The following GMDS variants were observed in gnomAD, a reference collection of about 807,000 sequenced individuals.
GMDS encodes GDP-mannose 4,6-dehydratase.
Under a neutral mutation model 49.9 loss-of-function variants are expected in GMDS, and 20 were observed. The ratio of observed to expected loss-of-function variants is 0.40; its 90% CI spans 0.28 to 0.58. The LOEUF (loss-of-function observed/expected upper bound fraction) is 0.58. Ranked by LOEUF, GMDS falls within the 20% of genes least tolerant of loss-of-function variation. The pLI is 0.42. For synonymous variants in GMDS, 177 were observed against 178.6 expected (o/e 0.99, Z 0.07); for missense variants, 362 against 481.4 (o/e 0.75, Z 2.32).
At chr6:1,781,934 G>A (rs1419348264) in intron 7 of GMDS, among the ~76,000 whole-genome samples, 1 of 151,908 alleles carries the variant, frequency 6.6e-6, no homozygotes, top group Non-Finnish European at 1.5e-5. Flanking sequence ...GAGTAAAGTG[G>A]GCTAACTTCA....
intron 1 of GMDS, among the ~76,000 whole-genome samples, chr6:2,220,619 T>G (rs1780542312): frequency 6.6e-6 from 1 of 152,134 alleles, no homozygotes; most frequent in Non-Finnish European, 1.5e-5. Flanking sequence ...GCTACACACA[T>G]AAAATTACTT....
At chr6:2,089,086 G>A (rs755883220) in intron 4 of GMDS, among the ~76,000 whole-genome samples, 9 of 152,172 alleles carry the variant, frequency 5.9e-5, no homozygotes, top group African/African-American at 1.2e-4. Context: ...CTCAAACAGC[G>A]TATAGATTCA....
At position 1,778,520 on chromosome 6, in the gene GMDS, G is replaced by A. The variant is rs903778939; in HGVS notation, c.772-35934C>T. ...GACCTGGAACTTACTCCAGCCTGGAGTGTTCCAAGATCTAAAATAGGTTAG... is the reference window on the plus strand; with the variant it reads ...GACCTGGAACTTACTCCAGCCTGGAATGTTCCAAGATCTAAAATAGGTTAG... On this transcript the variant is annotated intron_variant, in intron 7 of 10. Coordinates refer to ENST00000380815, the MANE Select transcript of GMDS (RefSeq NM_001500.4). This position sits in a 1 kb window ranked among gnomAD's most constrained non-coding sequence, Gnocchi z 4.6. 2.6e-5 allele frequency among the ~76,000 whole-genome samples: 4 copies of A among 152,226 alleles called. No homozygotes were observed. Among genetic ancestry groups the A allele is most frequent in the Non-Finnish European group, 5.9e-5 (4 of 68,036 alleles).
At chr6:2,013,278 T>C (rs766207998) in intron 4 of GMDS, among the ~76,000 whole-genome samples, 1 of 152,102 alleles carries the variant, frequency 6.6e-6, no homozygotes, top group Non-Finnish European at 1.5e-5. Context: ...CTGTGGCACT[T>C]ACAGCTATAG....
intron 9 of GMDS, among the ~76,000 whole-genome samples, chr6:1,681,240 A>G (rs2814816): frequency 0.59 from 88,905 of 151,724 alleles, 26,753 homozygotes; most frequent in African/African-American, 0.74. Flanking sequence ...CTGCCTCCTC[A>G]CAGTGTCCTG....
chr6:1,629,029 AAAC>A (rs2113145867), intron 9 of GMDS, among the ~76,000 whole-genome samples: 1 of 152,330 alleles, frequency 6.6e-6, no homozygotes, highest in South Asian at 2.1e-4. Flanking sequence ...CAGAGCTGCT[AAAC>A]AACAACAAAA....
chr6:1,756,524 G>A (rs968948737), intron 7 of GMDS, among the ~76,000 whole-genome samples: 15 of 152,144 alleles, frequency 9.9e-5, no homozygotes, highest in Non-Finnish European at 2.1e-4. Flanking sequence ...TGCCCGCCTC[G>A]GCCTCCCAAG....
intron 4 of GMDS, among the ~76,000 whole-genome samples, chr6:2,001,219 G>A (rs531016741): frequency 6.6e-6 from 1 of 152,244 alleles, no homozygotes; most frequent in East Asian, 1.9e-4. Context: ...TTATGGTTTT[G>A]ATTTGCATTT....
At chr6:2,235,913 C>T (rs1781338322) in intron 1 of GMDS, among the ~76,000 whole-genome samples, 1 of 151,838 alleles carries the variant, frequency 6.6e-6, no homozygotes, top group African/African-American at 2.4e-5. Context: ...GTGTTGGGAG[C>T]CAGTTCTCTA....
intron 1 of GMDS, among the ~76,000 whole-genome samples, chr6:2,208,078 G>C (rs927552312): frequency 6.6e-6 from 1 of 151,846 alleles, no homozygotes; most frequent in African/African-American, 2.4e-5. Flanking sequence ...TACTCTGTTA[G>C]GATTAGGTGA....
Position 1,960,801 on chromosome 6 carries a change from T to TG in GMDS, c.510dup (p.Thr171HisfsTer25). On this transcript the variant is annotated frameshift_variant, in exon 5 of 11. Coordinates refer to ENST00000380815, the MANE Select transcript of GMDS (RefSeq NM_001500.4). LOFTEE classifies it high-confidence loss of function. ...TAGGGTGACCGGGGATAGAAAGGGG[T>TG]GGTCTCCTTCTGGGGTATTTCCTGC... 1 of 1,603,938 alleles carries TG rather than the reference T, an allele frequency of 6.2e-7. No individual in the cohort carries two copies. The highest frequency in any genetic ancestry group is 8.5e-7 in the Non-Finnish European group (1 of 1,172,352).
intron 8 of GMDS, among the ~76,000 whole-genome samples, chr6:1,733,377 C>T (rs564318405): frequency 5.7e-4 from 87 of 152,222 alleles, no homozygotes; most frequent in African/African-American, 1.6e-3. Context: ...GATAGGGTGT[C>T]GGGAGCTGAA....
At chr6:1,930,503 C>T (rs559194515) in intron 6 of GMDS, 1 of 288,884 alleles carries the variant, frequency 3.5e-6, no homozygotes, top group Admixed American at 5.2e-5. Flanking sequence ...TTTGTTGCTT[C>T]AATATGCAAC....
chr6:1,831,234 T>C (rs1445866891), intron 7 of GMDS, among the ~76,000 whole-genome samples: 2 of 152,256 alleles, frequency 1.3e-5, no homozygotes, highest in Admixed American at 6.5e-5. Flanking sequence ...CCTCCCATCC[T>C]GAAACTAAAG....
At chr6:1,972,593 A>G (rs1316550359) in intron 4 of GMDS, among the ~76,000 whole-genome samples, 1 of 152,264 alleles carries the variant, frequency 6.6e-6, no homozygotes, top group African/African-American at 2.4e-5. Flanking sequence ...GATTTGGATT[A>G]AAAAATTTTA....
chr6:1,879,210 T>C (rs924322628), intron 7 of GMDS, among the ~76,000 whole-genome samples: 3 of 152,184 alleles, frequency 2.0e-5, no homozygotes, highest in Admixed American at 6.5e-5. Flanking sequence ...AAATTAAAAT[T>C]AAGTAAAAAT....
intron 6 of GMDS, among the ~76,000 whole-genome samples, chr6:1,931,353 C>T (rs1052785608): frequency 1.8e-4 from 28 of 152,184 alleles, no homozygotes; most frequent in Admixed American, 1.1e-3. Flanking sequence ...CGTGGCTTAG[C>T]GCAAGTTCAA....
chr6:1,711,775 C>T lies in GMDS; in HGVS notation c.987+14641G>A, dbSNP rs141731027. On this transcript the variant is annotated intron_variant, in intron 9 of 10. Transcript: ENST00000380815. ...AGTGACTTGGGAAACTTGTGGAAAG[C>T]CATCTTTTCCGTCCGATTTTGTGCA... 1.8e-3 allele frequency among the ~76,000 whole-genome samples: 275 copies of T among 152,282 alleles called. 3 individuals carry two copies. Among genetic ancestry groups the T allele is most frequent in the African/African-American group, 6.2e-3 (258 of 41,530 alleles).
intron 1 of GMDS, among the ~76,000 whole-genome samples, chr6:2,239,584 C>A (rs1445043131): frequency 6.6e-6 from 1 of 152,188 alleles, no homozygotes; most frequent in Non-Finnish European, 1.5e-5. Flanking sequence ...CAAAACCCAA[C>A]CTCTGATTCC....
Sources: allele counts gnomAD v4.1 joint callset (sites outside exome capture counted in the v4.1 genomes callset), GRCh38; gene constraint gnomAD v4.1.1; non-coding constraint Gnocchi (gnomAD v3.1); transcripts MANE v1.5; gene names NCBI Gene and HGNC (gene_info 2026-07-23, HGNC 2026-07-21).